Variants in BRINP1 observed in about 807,000 individuals in gnomAD.
The protein encoded by BRINP1 is BMP/retinoic acid-inducible neural-specific protein 1.
Under a neutral mutation model 72.9 loss-of-function variants are expected in BRINP1, and 17 were observed. The ratio of observed to expected loss-of-function variants is 0.23; its 90% CI spans 0.16 to 0.35. BRINP1 has a LOEUF of 0.35. Among genes scored for constraint, BRINP1 ranks in the 10% least tolerant of loss-of-function variants. BRINP1 has a pLI of 1.00. For missense variants in BRINP1, 850 were observed against 1,001.6 expected, an observed-to-expected ratio of 0.85 and a Z score of 2.04; for synonymous variants, 418 against 378.5, an observed-to-expected ratio of 1.10 and a Z score of -1.21.
At chr9:119,231,743 C>G (rs1830150702) in intron 5 of BRINP1, among the ~76,000 whole-genome samples, 1 of 151,978 alleles carries the variant, frequency 6.6e-6, no homozygotes, top group African/African-American at 2.4e-5. Flanking sequence ...ATCCAAGATT[C>G]TATACTCTCT....
At chr9:119,214,193 T>TA in intron 5 of BRINP1, 38 bp from the exon 6 acceptor site, 2 of 1,471,958 alleles carry the variant, frequency 1.4e-6, no homozygotes, top group Non-Finnish European at 9.4e-7. Flanking sequence ...CAGAAAGGTT[T>TA]AAAAAAAGGT....
At chr9:119,361,797 A>ATTTTTTTTT (rs869281749) in intron 1 of BRINP1, among the ~76,000 whole-genome samples, 2 of 64,470 alleles carry the variant, frequency 3.1e-5, no homozygotes, top group Admixed American at 2.2e-4. Context: ...CAGTTTTTGC[A>ATTTTTTTTT]TTTTTTTTTT....
chr9:119,229,762 C>T (rs181267562), intron 5 of BRINP1, among the ~76,000 whole-genome samples: 152 of 152,166 alleles, frequency 1.0e-3, no homozygotes, highest in Admixed American at 1.6e-3. Flanking sequence ...TTAGGTTGAA[C>T]TGAATCCAGT....
At chr9:119,202,026 T>C (rs1385680477) in intron 7 of BRINP1, among the ~76,000 whole-genome samples, 1 of 152,144 alleles carries the variant, frequency 6.6e-6, no homozygotes, top group Non-Finnish European at 1.5e-5. Context: ...GTTTTTAGTC[T>C]TGGCAGGTCA....
intron 5 of BRINP1, among the ~76,000 whole-genome samples, chr9:119,230,820 T>C (rs1178258199): frequency 6.6e-6 from 1 of 151,992 alleles, no homozygotes; most frequent in Non-Finnish European, 1.5e-5. Flanking sequence ...AAAACACAAG[T>C]CTCGGGTGGC....
intron 2 of BRINP1, among the ~76,000 whole-genome samples, chr9:119,310,135 A>T (rs1831046043): frequency 6.6e-6 from 1 of 152,182 alleles, no homozygotes; most frequent in African/African-American, 2.4e-5. Flanking sequence ...GACTTCAGCT[A>T]GCACTCCTAT....
intron 1 of BRINP1, among the ~76,000 whole-genome samples, chr9:119,362,705 C>A (rs10984507): frequency 0.27 from 41,302 of 152,112 alleles, 7,063 homozygotes; most frequent in Non-Finnish European, 0.39. Flanking sequence ...CTATCCATTT[C>A]CCCTACTCTT....
intron 5 of BRINP1, among the ~76,000 whole-genome samples, chr9:119,217,181 GC>G (rs1450422196): frequency 6.6e-5 from 10 of 152,098 alleles, no homozygotes; most frequent in African/African-American, 2.4e-4. Context: ...CTACATGGGC[GC>G]CTGAATCCTG....
intron 3 of BRINP1, among the ~76,000 whole-genome samples, chr9:119,243,687 G>A (rs1830282920): frequency 6.6e-6 from 1 of 152,104 alleles, no homozygotes; most frequent in Non-Finnish European, 1.5e-5. Context: ...AAAAACGTTT[G>A]TTCAATTGAT....
chr9:119,192,793 C>A (rs1001614727), intron 7 of BRINP1, among the ~76,000 whole-genome samples: 2 of 152,094 alleles, frequency 1.3e-5, no homozygotes, highest in East Asian at 3.9e-4. Flanking sequence ...GATATCTGCA[C>A]TCCCATATTA....
chr9:119,252,059 C>T lies in BRINP1; in HGVS notation c.219-2909G>A, dbSNP rs573402181. 1.4e-4 allele frequency among the ~76,000 whole-genome samples: 21 copies of T among 152,240 alleles called. No homozygotes were observed. In the South Asian group the frequency reaches 4.4e-3, roughly 32 times the overall value. On this transcript the variant is annotated intron_variant, in intron 2 of 7. Transcript: ENST00000265922. ...CCTCTCTGTTTCTTGCATTGGCTTT[C>T]CCGCTCTCTCTGTCTCTGTGTCCAT...
intron 7 of BRINP1, among the ~76,000 whole-genome samples, chr9:119,197,105 G>A (rs780166439): frequency 6.6e-6 from 1 of 152,162 alleles, no homozygotes; most frequent in African/African-American, 2.4e-5. Flanking sequence ...GGGTTTAAAC[G>A]CAGCATTGCA....
chr9:119,241,027 T>C (rs1280930342), intron 4 of BRINP1, among the ~76,000 whole-genome samples: 1 of 152,236 alleles, frequency 6.6e-6, no homozygotes, highest in Non-Finnish European at 1.5e-5. Flanking sequence ...CCACATTCGC[T>C]TTATAGAGGC....
At chr9:119,227,208 C>A (rs1830101169) in intron 5 of BRINP1, among the ~76,000 whole-genome samples, 1 of 151,924 alleles carries the variant, frequency 6.6e-6, no homozygotes, top group African/African-American at 2.4e-5. Flanking sequence ...TGTTCTTATT[C>A]CCATTTTACA....
At chr9:119,190,640 T>C (rs1283459231) in intron 7 of BRINP1, among the ~76,000 whole-genome samples, 1 of 151,764 alleles carries the variant, frequency 6.6e-6, no homozygotes, top group Non-Finnish European at 1.5e-5. Flanking sequence ...AACAAAGACA[T>C]TGAAGTGAAG....
intron 2 of BRINP1, among the ~76,000 whole-genome samples, chr9:119,296,454 G>T (rs1830878930): frequency 6.6e-6 from 1 of 152,156 alleles, no homozygotes; most frequent in African/African-American, 2.4e-5. Flanking sequence ...CAAACAGTAT[G>T]GAAGTTCTTC....
chr9:119,322,942 A>G (rs776427428), intron 1 of BRINP1, among the ~76,000 whole-genome samples: 6 of 152,342 alleles, frequency 3.9e-5, no homozygotes, highest in Non-Finnish European at 5.9e-5. Context: ...CTGAACCCCA[A>G]AACTACAGCT....
chr9:119,330,992 T>A (rs1428565926), intron 1 of BRINP1, among the ~76,000 whole-genome samples: 4 of 152,018 alleles, frequency 2.6e-5, no homozygotes, highest in Admixed American at 6.5e-5. Context: ...GTGCCACTGC[T>A]CTCCAGTTTG....
At chr9:119,199,668 C>T (rs1285657570) in intron 7 of BRINP1, among the ~76,000 whole-genome samples, 1 of 152,110 alleles carries the variant, frequency 6.6e-6, no homozygotes. Flanking sequence ...ATACTCTAAT[C>T]TTTAAAAAAA....
Sources: gnomAD v4.1 joint callset for allele counts (sites outside exome capture counted in the v4.1 genomes callset) on GRCh38, gnomAD v4.1.1 for gene constraint, MANE v1.5 for transcripts, NCBI Gene and HGNC (gene_info 2026-07-23, HGNC 2026-07-21) for gene names.